IL1RAPL1: variants seen among roughly 807,000 people sequenced by gnomAD.
IL1RAPL1 encodes interleukin-1 receptor accessory protein-like 1.
Under a neutral mutation model 48.4 loss-of-function variants are expected in IL1RAPL1, and 3 were observed. The ratio of observed to expected loss-of-function variants is 0.06; its 90% confidence interval spans 0.03 to 0.16. IL1RAPL1 has a LOEUF of 0.16. Among genes scored for constraint, IL1RAPL1 ranks in the 10% least tolerant of loss-of-function variants. The pLI, the probability that IL1RAPL1 is intolerant of heterozygous loss-of-function variation, is 1.00. For synonymous variants in IL1RAPL1, 185 were observed against 187.7 expected (o/e 0.99, Z 0.12); for missense variants, 349 against 530.6 (o/e 0.66, Z 3.36).
intron 6 of IL1RAPL1, among the ~76,000 whole-genome samples, chrX:29,856,529 G>A (rs769116004): frequency 6.3e-5 from 7 of 111,879 alleles, no homozygotes; most frequent in Non-Finnish European, 7.5e-5. Context: ...AATAAGGACT[G>A]TAGATAGCCT....
At chrX:29,777,383 T>A (rs1929223451) in intron 6 of IL1RAPL1, among the ~76,000 whole-genome samples, 2 of 112,177 alleles carry the variant, frequency 1.8e-5, no homozygotes, top group South Asian at 7.3e-4. Flanking sequence ...GGAGAAGATT[T>A]TGTGTGCTTC....
chrX:29,369,568 A>T (rs1025774638), intron 3 of IL1RAPL1: 2 of 111,426 alleles, frequency 1.8e-5, no homozygotes, highest in African/African-American at 6.5e-5. Flanking sequence ...GGAGGCTGGG[A>T]TTGTTTTTGA....
intron 5 of IL1RAPL1, among the ~76,000 whole-genome samples, chrX:29,637,989 T>A (rs1449243017): frequency 8.9e-6 from 1 of 112,264 alleles, no homozygotes; most frequent in Non-Finnish European, 1.9e-5. Flanking sequence ...ACTTTTAGAA[T>A]GAATACTTAG....
chrX:29,547,201 A>T (rs1921651802), intron 5 of IL1RAPL1, among the ~76,000 whole-genome samples: 1 of 111,693 alleles, frequency 9.0e-6, no homozygotes, highest in Admixed American at 9.5e-5. Flanking sequence ...TTTTATAAAT[A>T]ATTATATTTG....
intron 1 of IL1RAPL1, among the ~76,000 whole-genome samples, chrX:28,656,887 G>A (rs901493925): frequency 9.1e-6 from 1 of 109,405 alleles, no homozygotes; most frequent in African/African-American, 3.3e-5. Context: ...TTAGCCGGGC[G>A]TGGTGGCGGG....
chrX:29,936,513 A>G (rs1194559072), intron 8 of IL1RAPL1, among the ~76,000 whole-genome samples: 4 of 88,910 alleles, frequency 4.5e-5, no homozygotes, highest in Non-Finnish European at 8.7e-5. Flanking sequence ...TTCTATATAT[A>G]TAGGAACACA....
chrX:29,863,109 A>G (rs1008991079), intron 6 of IL1RAPL1, among the ~76,000 whole-genome samples: 1 of 111,418 alleles, frequency 9.0e-6, no homozygotes, highest in Admixed American at 9.6e-5. Context: ...TGTGAATGCC[A>G]TAAACTTTCT....
At chrX:29,673,427 C>T (rs954770385) in intron 6 of IL1RAPL1, among the ~76,000 whole-genome samples, 3 of 111,321 alleles carry the variant, frequency 2.7e-5, no homozygotes, top group Non-Finnish European at 5.6e-5. Flanking sequence ...TACATTCACG[C>T]TACTGGTTGT....
rs1323046403 is a variant in IL1RAPL1 at position 29,955,510 on chromosome X, C to T, written c.1781C>T (p.Ala594Val). The change falls in exon 11 of 11, where the codon GCG becomes GTG. Residue 594 changes from alanine (A) to valine (V), a missense_variant. Physicochemically the swap from Ala to Val is moderately conservative, Grantham distance 64. Around this residue, in one of 3 missense-constraint regions of IL1RAPL1, gnomAD observed 46 missense variants for 113.3 expected, o/e 0.41. Coordinates refer to ENST00000378993, the MANE Select transcript of IL1RAPL1 (RefSeq NM_014271.4). ...ACTGTCTCGGCCATTTCCATGGCCGCGGCCACCTCCACAGCTCTAGCCACT... is the reference window on the plus strand; with the variant it reads ...ACTGTCTCGGCCATTTCCATGGCCGTGGCCACCTCCACAGCTCTAGCCACT... ...LQTVSAISMAAATSTALATAH... is the reference protein window; with the variant it reads ...LQTVSAISMAVATSTALATAH... 2.5e-6 allele frequency: 3 copies of T among 1,210,394 alleles called. No individual in the cohort carries two copies. Among genetic ancestry groups the T allele is most frequent in the East Asian group, 3.0e-5 (1 of 33,801 alleles).
chrX:29,790,336 T>C (rs918504516), intron 6 of IL1RAPL1, among the ~76,000 whole-genome samples: 1 of 111,824 alleles, frequency 8.9e-6, no homozygotes, highest in African/African-American at 3.2e-5. Flanking sequence ...AGCCTAAGTC[T>C]CAAATATTCA....
chrX:29,482,416 A>G (rs1030342387), intron 5 of IL1RAPL1, among the ~76,000 whole-genome samples: 3 of 112,090 alleles, frequency 2.7e-5, no homozygotes, highest in African/African-American at 9.7e-5. Flanking sequence ...TGGGGTTGTT[A>G]TGAGGATATT....
Position 29,905,690 on chromosome X carries a change from C to A in IL1RAPL1, c.779-11774C>A, listed in dbSNP as rs536632365. On this transcript the variant is annotated intron_variant, in intron 6 of 10. Transcript: ENST00000378993. ...AAAAAAGGGGGATAAGGAGAGTGTT[C>A]ATAAAATCCTTCAGTAATCCAACAA... 7.2e-5 allele frequency among the ~76,000 whole-genome samples: 8 copies of A among 111,316 alleles called. No homozygotes were observed. The South Asian group carries it at 3.1e-3, about 43-fold the overall frequency.
chrX:29,578,155 T>C (rs972636100), intron 5 of IL1RAPL1, among the ~76,000 whole-genome samples: 2 of 111,745 alleles, frequency 1.8e-5, no homozygotes, highest in African/African-American at 6.5e-5. Flanking sequence ...TTGGAAATGG[T>C]TGACCCTTTG....
At chrX:29,914,318 A>T (rs1208451531) in intron 6 of IL1RAPL1, among the ~76,000 whole-genome samples, 5 of 112,263 alleles carry the variant, frequency 4.5e-5, no homozygotes, top group Non-Finnish European at 9.4e-5. Flanking sequence ...TTCACAGTTG[A>T]TGTCGGAAAG....
At chrX:29,453,074 G>A (rs1425386751) in intron 5 of IL1RAPL1, among the ~76,000 whole-genome samples, 2 of 108,287 alleles carry the variant, frequency 1.8e-5, no homozygotes, top group Non-Finnish European at 3.8e-5. Flanking sequence ...ACAGGCGCCC[G>A]CCACCATGCC....
intron 1 of IL1RAPL1, among the ~76,000 whole-genome samples, chrX:28,653,137 C>T (rs1430759025): frequency 8.9e-6 from 1 of 111,864 alleles, no homozygotes; most frequent in Non-Finnish European, 1.9e-5. Context: ...TTCAATACAA[C>T]ATAATAAAGA....
chrX:29,561,955 A>C (rs1391591112), intron 5 of IL1RAPL1, among the ~76,000 whole-genome samples: 1 of 111,724 alleles, frequency 9.0e-6, no homozygotes, highest in Non-Finnish European at 1.9e-5. Context: ...TGGGAGAGAC[A>C]GTTATGTTTT....
intron 1 of IL1RAPL1, among the ~76,000 whole-genome samples, chrX:28,747,811 T>C (rs1371690485): frequency 8.9e-6 from 1 of 111,964 alleles, no homozygotes; most frequent in Non-Finnish European, 1.9e-5. Flanking sequence ...TGGAACTTGG[T>C]ATGCATCTTC....
chrX:29,533,512 A>T (rs898607094), intron 5 of IL1RAPL1, among the ~76,000 whole-genome samples: 2 of 112,517 alleles, frequency 1.8e-5, no homozygotes, highest in Non-Finnish European at 3.8e-5. Flanking sequence ...TGATAGACAT[A>T]TCAATTGTTT....
Sources: gnomAD v4.1 joint callset for allele counts (sites outside exome capture counted in the v4.1 genomes callset) on GRCh38, gnomAD v4.1.1 for gene constraint, gnomAD v4.1.1 regional missense constraint, MANE v1.5 for transcripts, NCBI Gene and HGNC (gene_info 2026-07-23, HGNC 2026-07-21) for gene names.